Variants in TEAD1 observed in about 807,000 individuals in gnomAD.
TEAD1 encodes the protein transcriptional enhancer factor TEF-1.
In TEAD1, 9 loss-of-function variants were observed where a neutral mutation model predicts 54.9. The ratio of observed to expected loss-of-function variants is 0.16; its 90% CI spans 0.10 to 0.29. The LOEUF is 0.29. Ranked by LOEUF, TEAD1 falls within the 10% of genes least tolerant of loss-of-function variation. The probability of loss-of-function intolerance (pLI) is 1.00; values close to 1 mark genes in which losing one functional copy is unlikely to be tolerated. For synonymous variants in TEAD1, 200 were observed against 187.8 expected (o/e 1.07, Z -0.53); for missense variants, 387 against 535.9 (o/e 0.72, Z 2.74).
intron 3 of TEAD1, among the ~76,000 whole-genome samples, chr11:12,815,089 A>G (rs1433789996): frequency 6.6e-6 from 1 of 152,144 alleles, no homozygotes; most frequent in Non-Finnish European, 1.5e-5. Flanking sequence ...GCCAACATCA[A>G]AGCCGGGCTT....
Position 12,919,556 on chromosome 11 carries a change from A to G in TEAD1, c.874-5356A>G, listed in dbSNP as rs538861890. On this transcript the variant is annotated intron_variant, in intron 10 of 12. Transcript: ENST00000527636. ...TACCCAGGCTGGAGTGCAGTGGTAC[A>G]AATCATGGCTCATTGCAGCCTCAAA... 1.2e-4 allele frequency among the ~76,000 whole-genome samples: 18 copies of G among 152,046 alleles called. No individual in the cohort carries two copies. The South Asian group carries it at 3.7e-3, about 32-fold the overall frequency.
chr11:12,884,754 A>T (rs1948051557), intron 9 of TEAD1, among the ~76,000 whole-genome samples: 1 of 152,166 alleles, frequency 6.6e-6, no homozygotes, highest in Non-Finnish European at 1.5e-5. Context: ...CAGGAAAGAG[A>T]AGAAAAGGCC....
chr11:12,889,959 C>T (rs1056820667), intron 9 of TEAD1, among the ~76,000 whole-genome samples: 1 of 152,024 alleles, frequency 6.6e-6, no homozygotes, highest in Non-Finnish European at 1.5e-5. Flanking sequence ...TGGGCTCAAG[C>T]GATCCACCCA....
chr11:12,772,581 A>G (rs1945334017), intron 3 of TEAD1, among the ~76,000 whole-genome samples: 1 of 152,232 alleles, frequency 6.6e-6, no homozygotes, highest in South Asian at 2.1e-4. Flanking sequence ...ACTACTCAGC[A>G]GTGAGTATTA....
chr11:12,831,145 C>T (rs1328769753), intron 3 of TEAD1, among the ~76,000 whole-genome samples: 2 of 152,194 alleles, frequency 1.3e-5, no homozygotes, highest in African/African-American at 4.8e-5. Flanking sequence ...GTTCCCATTT[C>T]ACCACTCCAT....
intron 10 of TEAD1, among the ~76,000 whole-genome samples, chr11:12,914,943 TG>T (rs1451254712): frequency 3.3e-5 from 5 of 152,378 alleles, no homozygotes; most frequent in Middle Eastern, 3.4e-3. Flanking sequence ...TTTGAAATCT[TG>T]GTTCTTTGAT....
At chr11:12,916,151 C>CT (rs981720251) in intron 10 of TEAD1, among the ~76,000 whole-genome samples, 13 of 152,004 alleles carry the variant, frequency 8.6e-5, no homozygotes, top group Admixed American at 3.3e-4. Flanking sequence ...TAATGATGGC[C>CT]TTTTTTTTAG....
intron 2 of TEAD1, among the ~76,000 whole-genome samples, chr11:12,761,810 A>G (rs189741006): frequency 1.1e-4 from 16 of 152,196 alleles, no homozygotes; most frequent in Non-Finnish European, 2.1e-4. Flanking sequence ...TTTTCGCCTG[A>G]TAAATGGAAG....
intron 2 of TEAD1, among the ~76,000 whole-genome samples, chr11:12,742,696 A>G (rs890348809): frequency 6.6e-6 from 1 of 152,234 alleles, no homozygotes; most frequent in African/African-American, 2.4e-5. Flanking sequence ...CCATGAACAT[A>G]TACAACTATT....
chr11:12,761,295 G>T (rs1945098365), intron 2 of TEAD1, among the ~76,000 whole-genome samples: 1 of 152,176 alleles, frequency 6.6e-6, no homozygotes, highest in African/African-American at 2.4e-5. Flanking sequence ...TCAAGTAGCA[G>T]AAATTTTTTT....
chr11:12,676,426 A>G (rs1485963094), intron 2 of TEAD1, among the ~76,000 whole-genome samples: 1 of 152,088 alleles, frequency 6.6e-6, no homozygotes, highest in Non-Finnish European at 1.5e-5. Context: ...TCTTCTACGG[A>G]TAGGGGCTTC....
At chr11:12,756,085 A>G (rs963192398) in intron 2 of TEAD1, among the ~76,000 whole-genome samples, 1 of 152,210 alleles carries the variant, frequency 6.6e-6, no homozygotes, top group African/African-American at 2.4e-5. Context: ...AGAATTAATC[A>G]GGGATTCTCA....
chr11:12,734,667 C>A (rs754357573), intron 2 of TEAD1, among the ~76,000 whole-genome samples: 1 of 152,114 alleles, frequency 6.6e-6, no homozygotes, highest in African/African-American at 2.4e-5. Flanking sequence ...AAATACTTAC[C>A]ATTGAGTTAC....
chr11:12,686,048 C>T (rs888993805), intron 2 of TEAD1, among the ~76,000 whole-genome samples: 5 of 152,116 alleles, frequency 3.3e-5, no homozygotes, highest in African/African-American at 7.2e-5. Flanking sequence ...TTTGTATTTT[C>T]GACAGGGCTG....
At chr11:12,933,590 C>T (rs1357809038) in intron 12 of TEAD1, among the ~76,000 whole-genome samples, 1 of 151,786 alleles carries the variant, frequency 6.6e-6, no homozygotes, top group Admixed American at 6.6e-5. Context: ...AAATATTTTC[C>T]AATCTGATAT....
chr11:12,893,794 A>T (rs1476811228), intron 9 of TEAD1, among the ~76,000 whole-genome samples: 1 of 152,192 alleles, frequency 6.6e-6, no homozygotes, highest in Admixed American at 6.5e-5. Context: ...GGGGCATGGG[A>T]TGAAGTGGCA....
intron 2 of TEAD1, among the ~76,000 whole-genome samples, chr11:12,744,806 T>C (rs1027228017): frequency 2.0e-5 from 3 of 152,210 alleles, no homozygotes; most frequent in African/African-American, 7.2e-5. Flanking sequence ...TAAAGAAAGC[T>C]GCTGACTCGG....
At chr11:12,910,777 C>T (rs1417537601) in intron 10 of TEAD1, among the ~76,000 whole-genome samples, 78 of 121,692 alleles carry the variant, frequency 6.4e-4, no homozygotes, top group African/African-American at 2.2e-3. Context: ...GATGGAGTCT[C>T]GCTCTGTCTC....
intron 3 of TEAD1, among the ~76,000 whole-genome samples, chr11:12,776,319 G>C (rs754076122): frequency 1.4e-4 from 21 of 152,262 alleles, no homozygotes; most frequent in African/African-American, 4.8e-4. Flanking sequence ...ATGTGCATAG[G>C]CTCACACCGC....
Sources: allele counts gnomAD v4.1 joint callset (sites outside exome capture counted in the v4.1 genomes callset), GRCh38; gene constraint gnomAD v4.1.1; transcripts MANE v1.5; gene names NCBI Gene and HGNC (gene_info 2026-07-23, HGNC 2026-07-21).